SLC24A4: variants seen among roughly 807,000 people sequenced by gnomAD.
SLC24A4 encodes sodium/potassium/calcium exchanger 4.
A neutral mutation model predicts 79.0 loss-of-function variants in SLC24A4; 53 were observed. That is an observed-to-expected ratio of 0.67 (90% CI 0.54 to 0.84). The LOEUF is 0.84. Among genes scored for constraint, SLC24A4 ranks in the 40% least tolerant of loss-of-function variants. The pLI is 0.00. For missense variants in SLC24A4, 731 were observed against 822.0 expected (o/e 0.89, Z 1.35); for synonymous variants, 323 against 323.8 (o/e 1.00, Z 0.03).
intron 2 of SLC24A4, among the ~76,000 whole-genome samples, chr14:92,371,527 G>T (rs977888130): frequency 6.6e-6 from 1 of 152,112 alleles, no homozygotes; most frequent in Non-Finnish European, 1.5e-5. Flanking sequence ...TGGCACACCT[G>T]GTCCTAATCA....
At chr14:92,373,171 TACAC>T (rs66513416) in intron 2 of SLC24A4, among the ~76,000 whole-genome samples, 7,536 of 143,030 alleles carry the variant, frequency 0.053, 413 homozygotes, top group African/African-American at 0.14. Flanking sequence ...AGCTAATTTA[TACAC>T]ACACACACAC....
chr14:92,388,741 A>G (rs1273910037), intron 2 of SLC24A4, among the ~76,000 whole-genome samples: 1 of 152,134 alleles, frequency 6.6e-6, no homozygotes. Flanking sequence ...CTAGGTCATG[A>G]CCGCAGGACT....
chr14:92,366,732 C>T (rs1050888590), intron 2 of SLC24A4, among the ~76,000 whole-genome samples: 2 of 152,198 alleles, frequency 1.3e-5, no homozygotes, highest in Non-Finnish European at 2.9e-5. Flanking sequence ...AACCTTCTGT[C>T]GGCTGGATAA....
intron 2 of SLC24A4, among the ~76,000 whole-genome samples, chr14:92,386,147 A>T (rs1189498669): frequency 2.6e-5 from 4 of 151,722 alleles, no homozygotes; most frequent in Admixed American, 6.6e-5. Context: ...GTTTCCCTTC[A>T]TGGTTTCGTT....
At chr14:92,335,399 G>A (rs930146767) in intron 2 of SLC24A4, among the ~76,000 whole-genome samples, 1 of 152,248 alleles carries the variant, frequency 6.6e-6, no homozygotes, top group African/African-American at 2.4e-5. Flanking sequence ...TTGTTGCCCA[G>A]GTTGGAGTGC....
At chr14:92,457,754 C>T (rs1893566725) in intron 12 of SLC24A4, among the ~76,000 whole-genome samples, 1 of 152,348 alleles carries the variant, frequency 6.6e-6, no homozygotes. Context: ...CTGATGTCCA[C>T]CATCCTGAAA....
At chr14:92,326,195 T>C (rs997969744) in intron 2 of SLC24A4, among the ~76,000 whole-genome samples, 1 of 152,244 alleles carries the variant, frequency 6.6e-6, no homozygotes, top group African/African-American at 2.4e-5. Context: ...ACTGAAAAGG[T>C]CACAGTCAAG....
At chr14:92,417,459 T>G (rs575328669) in intron 2 of SLC24A4, among the ~76,000 whole-genome samples, 3 of 152,278 alleles carry the variant, frequency 2.0e-5, no homozygotes, top group Admixed American at 1.3e-4. Context: ...CTTAAAAAAT[T>G]TAAAAGTTTA....
Position 92,456,097 on chromosome 14 carries a change from C to T in SLC24A4, c.1051-307C>T, listed in dbSNP as rs74651219. Among the ~76,000 whole-genome samples, 98 of 152,360 alleles carry T rather than the reference C, an allele frequency of 6.4e-4. 1 individual carries two copies. The East Asian group carries it at 0.016, about 25-fold the overall frequency. On this transcript the variant is annotated intron_variant, in intron 11 of 16. Coordinates refer to ENST00000532405, the MANE Select transcript of SLC24A4 (RefSeq NM_153646.4). ...GCCATCTTCAGGCAGCTGTGAACGTCACCAGGGAGAGCCCCGAATGATGGC... is the reference window on the plus strand; with the variant it reads ...GCCATCTTCAGGCAGCTGTGAACGTTACCAGGGAGAGCCCCGAATGATGGC...
At chr14:92,355,645 G>A (rs900269249) in intron 2 of SLC24A4, among the ~76,000 whole-genome samples, 1 of 152,234 alleles carries the variant, frequency 6.6e-6, no homozygotes, top group Non-Finnish European at 1.5e-5. Flanking sequence ...GAAAGGCAAA[G>A]CTTGGGTTTG....
At chr14:92,392,418 T>G (rs1436578031) in intron 2 of SLC24A4, among the ~76,000 whole-genome samples, 1 of 152,010 alleles carries the variant, frequency 6.6e-6, no homozygotes, top group African/African-American at 2.4e-5. Context: ...ACCTGTCACT[T>G]GCCTCGTGGA....
intron 6 of SLC24A4, 77 bp downstream of exon 6, chr14:92,442,893 G>C: frequency 8.2e-7 from 1 of 1,216,500 alleles, no homozygotes; most frequent in Non-Finnish European, 1.2e-6. Context: ...CAAGAGGTTG[G>C]GGTAGCAGTG....
intron 2 of SLC24A4, among the ~76,000 whole-genome samples, chr14:92,352,972 G>A (rs2141648390): frequency 6.6e-6 from 1 of 152,332 alleles, no homozygotes; most frequent in Non-Finnish European, 1.5e-5. Context: ...TAACTGTGCA[G>A]TTCAGTACGG....
intron 12 of SLC24A4, among the ~76,000 whole-genome samples, chr14:92,473,858 C>T (rs1255787124): frequency 7.9e-5 from 12 of 152,204 alleles, no homozygotes. Context: ...TAGAACTATC[C>T]TTGGGCTAGT....
At chr14:92,406,092 C>A (rs547145668) in intron 2 of SLC24A4, among the ~76,000 whole-genome samples, 4 of 152,292 alleles carry the variant, frequency 2.6e-5, no homozygotes, top group African/African-American at 9.6e-5. Context: ...GAGGAATTGG[C>A]CAAAACAAAG....
At chr14:92,491,263 CA>C (rs1440572260) in intron 14 of SLC24A4, among the ~76,000 whole-genome samples, 1 of 152,142 alleles carries the variant, frequency 6.6e-6, no homozygotes, top group African/African-American at 2.4e-5. Context: ...ATAAAACTGT[CA>C]TTAAATTTGA....
intron 2 of SLC24A4, among the ~76,000 whole-genome samples, chr14:92,364,208 C>G (rs1191616019): frequency 6.6e-6 from 1 of 152,218 alleles, no homozygotes; most frequent in Admixed American, 6.5e-5. Flanking sequence ...TCTTTCCAGA[C>G]ACACTGTGAG....
intron 12 of SLC24A4, among the ~76,000 whole-genome samples, chr14:92,459,257 C>T (rs79625828): frequency 0.022 from 3,352 of 152,332 alleles, 136 homozygotes; most frequent in African/African-American, 0.076. Flanking sequence ...GGACCAGCCA[C>T]GCCTTCGCCT....
At chr14:92,366,120 T>C (rs957378815) in intron 2 of SLC24A4, among the ~76,000 whole-genome samples, 1 of 152,204 alleles carries the variant, frequency 6.6e-6, no homozygotes, top group African/African-American at 2.4e-5. Flanking sequence ...AGCCAAGTCA[T>C]TGTGACAAAG....
Sources: allele counts gnomAD v4.1 joint callset (sites outside exome capture counted in the v4.1 genomes callset), GRCh38; gene constraint gnomAD v4.1.1; transcripts MANE v1.5; gene names NCBI Gene and HGNC (gene_info 2026-07-23, HGNC 2026-07-21).